The following PM20D2 variants were observed in gnomAD, a reference collection of about 807,000 sequenced individuals.
PM20D2 encodes peptidase M20 domain containing 2, also known as xaa-Arg dipeptidase.
A neutral mutation model predicts 42.9 loss-of-function variants in PM20D2; 33 were observed. That is an observed-to-expected ratio of 0.77 (90% CI 0.58 to 1.03). PM20D2 has a LOEUF of 1.03. PM20D2 is among the 50% of genes least tolerant of loss of function. The pLI is 0.00. For synonymous variants in PM20D2, 250 were observed against 228.2 expected (o/e 1.10, Z -0.86); for missense variants, 548 against 557.0 (o/e 0.98, Z 0.16).
At chr6:89,120,745 T>A in the PM20D2 span, among the ~76,000 whole-genome samples, 1 of 151,992 alleles carries the variant, frequency 6.6e-6, no homozygotes. Flanking sequence ...TGGTGGCACA[T>A]GCTTGTAGTC....
At chr6:89,146,660 C>T in intron 1 of PM20D2, 51 bp downstream of exon 1, 1 of 1,323,148 alleles carries the variant, frequency 7.6e-7, no homozygotes, top group Non-Finnish European at 9.7e-7. Flanking sequence ...GGGTCGGGGG[C>T]GACCCGGGAA....
chr6:89,117,151 G>A, the PM20D2 span, among the ~76,000 whole-genome samples: 1 of 152,266 alleles, frequency 6.6e-6, no homozygotes, highest in South Asian at 2.1e-4. Context: ...GAGGGGTGGG[G>A]CATCAGAATC....
chr6:89,118,039 C>G, the PM20D2 span: 1 of 640,476 alleles, frequency 1.6e-6, no homozygotes, highest in Non-Finnish European at 2.3e-6. Context: ...CCGCAGAGGC[C>G]GGCGCAGAGG....
At chr6:89,126,206 G>T in the PM20D2 span, among the ~76,000 whole-genome samples, 5 of 152,074 alleles carry the variant, frequency 3.3e-5, no homozygotes, top group African/African-American at 1.2e-4. Context: ...ACCAACCTGG[G>T]CAACAAAGTG....
chr6:89,109,291 G>A, the PM20D2 span, among the ~76,000 whole-genome samples: 3 of 152,190 alleles, frequency 2.0e-5, no homozygotes, highest in African/African-American at 4.8e-5. Context: ...GAGACTGAAG[G>A]TTAAGAATCA....
chr6:89,129,664 G>T, the PM20D2 span, among the ~76,000 whole-genome samples: 2 of 144,754 alleles, frequency 1.4e-5, no homozygotes, highest in East Asian at 4.1e-4. Context: ...ACAAATGACA[G>T]CTCACTGCAG....
chr6:89,153,243 T>G, intron 3 of PM20D2, 58 bp downstream of exon 3: 1 of 1,260,662 alleles, frequency 7.9e-7, no homozygotes. Flanking sequence ...CAGTGCAGTA[T>G]AATTATTTAA....
chr6:89,158,255 C>G, intron 4 of PM20D2, 70 bp from the exon 5 acceptor site: 1 of 1,371,844 alleles, frequency 7.3e-7, no homozygotes, highest in East Asian at 2.3e-5. Flanking sequence ...AGAGAACAAT[C>G]ACTGGTTTGA....
At chr6:89,110,114 G>A in the PM20D2 span, among the ~76,000 whole-genome samples, 5 of 152,048 alleles carry the variant, frequency 3.3e-5, no homozygotes, top group East Asian at 1.9e-4. Context: ...TATTTTCTCC[G>A]TATTTGACAT....
chr6:89,101,035 G>A, the PM20D2 span, among the ~76,000 whole-genome samples: 1 of 151,706 alleles, frequency 6.6e-6, no homozygotes, highest in Non-Finnish European at 1.5e-5. Context: ...CTTGAACCTG[G>A]GAGGCAGAGG....
chr6:89,130,819 C>CCTTTT, the PM20D2 span, among the ~76,000 whole-genome samples: 2 of 24,038 alleles, frequency 8.3e-5, no homozygotes, highest in African/African-American at 2.9e-4. Flanking sequence ...GCTTCTTCTT[C>CCTTTT]TTTTTTTTTT....
At position 89,162,207 on chromosome 6, in the gene PM20D2, A is replaced by C. The variant is rs373448550; in HGVS notation, c.1255A>C (p.Arg419=). ...TAAACCAGAGTTACTGGAAGGAATC[A>C]GAGAGGACTTTAAACTGAAACTTCA... is the stretch of plus-strand genomic sequence containing the variant. ...IFKPELLEGI[R]EDFKLKLQEE... The change falls in exon 7 of 7, where the codon AGA becomes CGA. Residue 419 remains arginine, a synonymous_variant. Transcript: ENST00000275072. 4 of 1,614,096 alleles carry C rather than the reference A, an allele frequency of 2.5e-6. No individual in the cohort carries two copies. In the African/African-American group the frequency reaches 4.0e-5, roughly 16 times the overall value.
At chr6:89,155,644 G>T (rs1771020478) in intron 4 of PM20D2, among the ~76,000 whole-genome samples, 1 of 152,108 alleles carries the variant, frequency 6.6e-6, no homozygotes, top group Admixed American at 6.6e-5. Flanking sequence ...AAATACTATG[G>T]CTTGCTGGAA....
chr6:89,150,303 T>C (rs1770783708), intron 2 of PM20D2, among the ~76,000 whole-genome samples: 1 of 152,154 alleles, frequency 6.6e-6, no homozygotes, highest in Non-Finnish European at 1.5e-5. Context: ...CTTTGAACTT[T>C]GGTTTCAAGG....
rs182839473 is a variant in PM20D2, at chr6:89,149,488, C to T, written c.614+75C>T. 470 of 1,476,450 alleles carry T rather than the reference C, an allele frequency of 3.2e-4. 1 individual carries two copies. Among genetic ancestry groups the T allele is most frequent in the Non-Finnish European group, 2.2e-4 (242 of 1,091,032 alleles). 91.5% of individuals were successfully genotyped at this position (1,476,450 alleles called of 1,614,324 possible). ...AATACTTTTATGTCTAAACCAGAGA[C>T]GAAAACTCCACATTTGTATATTTAA... On this transcript the variant is annotated intron_variant, in intron 2 of 6. Coordinates refer to ENST00000275072, the MANE Select transcript of PM20D2 (RefSeq NM_001010853.3).
At chr6:89,135,872 T>G in the PM20D2 span, among the ~76,000 whole-genome samples, 1 of 151,240 alleles carries the variant, frequency 6.6e-6, no homozygotes, top group Admixed American at 6.6e-5. Flanking sequence ...TCCAATAGAC[T>G]GACTTTTATC....
At chr6:89,156,025 C>G (rs1200944054) in intron 4 of PM20D2, among the ~76,000 whole-genome samples, 6 of 152,038 alleles carry the variant, frequency 3.9e-5, no homozygotes, top group African/African-American at 1.4e-4. Context: ...GCTGGGATTA[C>G]AGGCGCCTGC....
chr6:89,127,128 AGTTTT>A, the PM20D2 span, among the ~76,000 whole-genome samples: 8 of 152,108 alleles, frequency 5.3e-5, no homozygotes, highest in South Asian at 2.1e-4. Context: ...TGATGAAGGA[AGTTTT>A]GTTTTGTTTT....
At chr6:89,098,445 T>G in the PM20D2 span, 2 of 1,173,666 alleles carry the variant, frequency 1.7e-6, no homozygotes, top group Non-Finnish European at 2.3e-6. Context: ...AGCTAGAGAT[T>G]TTATTTCTTC....
Sources: gnomAD v4.1 joint callset for allele counts (sites outside exome capture counted in the v4.1 genomes callset) on GRCh38, gnomAD v4.1.1 for gene constraint, MANE v1.5 for transcripts, NCBI Gene and HGNC (gene_info 2026-07-23, HGNC 2026-07-21) for gene names.